IFT43: variants seen among roughly 807,000 people sequenced by gnomAD.
IFT43 encodes the protein intraflagellar transport protein 43 homolog.
In IFT43, 33 loss-of-function variants were observed where a neutral mutation model predicts 32.3. The observed-to-expected ratio is 1.02, with a 90% CI of 0.77 to 1.37. IFT43 has a LOEUF of 1.37. Among genes scored for constraint, IFT43 ranks in the 40% most tolerant of loss-of-function variants. The pLI is 0.00. For missense variants in IFT43, 274 were observed against 265.9 expected (o/e 1.03, Z -0.21); for synonymous variants, 93 against 98.2 (o/e 0.95, Z 0.31).
At chr14:76,019,923 T>C (rs1170046695) in intron 2 of IFT43, among the ~76,000 whole-genome samples, 1 of 152,080 alleles carries the variant, frequency 6.6e-6, no homozygotes, top group African/African-American at 2.4e-5. Flanking sequence ...TTATGATGTT[T>C]ATCTCTTTAT....
chr14:76,036,294 A>G (rs1594834196), intron 3 of IFT43, among the ~76,000 whole-genome samples: 1 of 152,162 alleles, frequency 6.6e-6, no homozygotes. Flanking sequence ...ATCAAGGTCC[A>G]TATATTGTAT....
At chr14:76,080,901 G>T (rs574185417) in intron 5 of IFT43, among the ~76,000 whole-genome samples, 2 of 152,128 alleles carry the variant, frequency 1.3e-5, no homozygotes, top group African/African-American at 2.4e-5. Context: ...GCTAAATGTG[G>T]TTCATTATTT....
intron 3 of IFT43, among the ~76,000 whole-genome samples, chr14:76,057,573 G>A (rs2037043540): frequency 6.6e-6 from 1 of 151,278 alleles, no homozygotes; most frequent in South Asian, 2.1e-4. Flanking sequence ...AAAAATGAAT[G>A]TAGAATTCTA....
chr14:76,083,488 T>G lies in IFT43; in HGVS notation c.538T>G (p.Phe180Val). The G allele has an allele frequency of 1.2e-6, 2 of 1,614,082 alleles. No homozygotes were observed. Among genetic ancestry groups the G allele is most frequent in the Non-Finnish European group, 1.7e-6 (2 of 1,179,978 alleles). The part of the protein sequence containing the change: ...DDVGWDWDHL[F>V]TEVSSEVLTE... ...TGTCGGCTGGGACTGGGACCATCTG[T>G]TCACTGAGGTGTCCTCAGAGGTCCT... Residue 180 changes from phenylalanine to valine, a missense_variant, in exon 9 of 9, where the codon TTC becomes GTC. By Grantham distance (50) the Phe-to-Val change is conservative (BLOSUM62 -1). Transcript: ENST00000314067.
At chr14:76,051,829 T>C (rs1475220557) in intron 3 of IFT43, among the ~76,000 whole-genome samples, 1 of 152,248 alleles carries the variant, frequency 6.6e-6, no homozygotes, top group Non-Finnish European at 1.5e-5. Flanking sequence ...TTTTTCTTCA[T>C]GCCTTTGGCC....
At chr14:76,083,171 G>A (rs991289716) in intron 7 of IFT43, 56 bp from the exon 8 acceptor site, 1 of 1,603,282 alleles carries the variant, frequency 6.2e-7, no homozygotes, top group Non-Finnish European at 8.5e-7. Flanking sequence ...GTGAGAAAGA[G>A]TTGCCTGAAA....
At chr14:76,014,552 A>G (rs2036146854) in intron 2 of IFT43, among the ~76,000 whole-genome samples, 1 of 152,160 alleles carries the variant, frequency 6.6e-6, no homozygotes, top group African/African-American at 2.4e-5. Flanking sequence ...GGAGAGTTAT[A>G]TACCATCCCC....
chr14:76,049,176 A>G (rs1238355026), intron 3 of IFT43, among the ~76,000 whole-genome samples: 1 of 152,224 alleles, frequency 6.6e-6, no homozygotes. Flanking sequence ...GGTTTCTACT[A>G]GTCTCAGTCA....
rs111242983 is a variant in IFT43 at position 75,989,146 on chromosome 14, G to A, written c.147+169G>A. ...GCATTTGTCCTTGTAGCAGGAAATG[G>A]AAGAACTTTTTTTCCTTGATGCCAG... On this transcript the variant is annotated intron_variant, in intron 2 of 8. Coordinates refer to ENST00000314067, the MANE Select transcript of IFT43 (RefSeq NM_001102564.3). Among the ~76,000 whole-genome samples, 185 of 152,306 alleles carry A rather than the reference G, an allele frequency of 1.2e-3. 6 individuals are homozygous for A. In the South Asian group the frequency reaches 0.036, roughly 30 times the overall value.
At chr14:76,043,778 T>A (rs977370163) in intron 3 of IFT43, among the ~76,000 whole-genome samples, 15 of 152,352 alleles carry the variant, frequency 9.8e-5, no homozygotes, top group African/African-American at 3.6e-4. Context: ...TGTTCTACAG[T>A]TTTACTCAAT....
intron 3 of IFT43, among the ~76,000 whole-genome samples, chr14:76,053,007 C>T (rs541103953): frequency 6.6e-6 from 1 of 152,234 alleles, no homozygotes; most frequent in East Asian, 1.9e-4. Flanking sequence ...GAGTCAGACA[C>T]CCTGCTTGCA....
intron 5 of IFT43, among the ~76,000 whole-genome samples, chr14:76,062,794 G>T (rs1400934214): frequency 6.6e-6 from 1 of 151,498 alleles, no homozygotes; most frequent in Non-Finnish European, 1.5e-5. Flanking sequence ...GCGGGCACCT[G>T]TAATCCCAGC....
intron 3 of IFT43, among the ~76,000 whole-genome samples, chr14:76,040,888 G>C: frequency 6.6e-6 from 1 of 152,244 alleles, no homozygotes; most frequent in East Asian, 1.9e-4. Flanking sequence ...TGAACTTGCT[G>C]CCTGTGCATG....
chr14:75,999,955 A>G (rs1280075428), intron 2 of IFT43, among the ~76,000 whole-genome samples: 4 of 152,228 alleles, frequency 2.6e-5, no homozygotes, highest in Non-Finnish European at 5.9e-5. Context: ...TGGCAGCTAC[A>G]CTGGAGGATA....
intron 2 of IFT43, among the ~76,000 whole-genome samples, chr14:75,999,801 G>A (rs760911069): frequency 1.3e-5 from 2 of 152,212 alleles, no homozygotes. Context: ...TTTAGGGCAC[G>A]GTAAAACCAT....
chr14:75,992,373 A>G (rs1279155976), intron 2 of IFT43, among the ~76,000 whole-genome samples: 3 of 152,226 alleles, frequency 2.0e-5, no homozygotes, highest in African/African-American at 7.2e-5. Context: ...GCATTCATTC[A>G]ATAAATTAGT....
At chr14:76,025,654 A>G (rs1272903728) in intron 3 of IFT43, among the ~76,000 whole-genome samples, 1 of 152,150 alleles carries the variant, frequency 6.6e-6, no homozygotes, top group East Asian at 1.9e-4. Flanking sequence ...ATAAGACCAT[A>G]TACCTGCAAC....
chr14:76,036,369 G>A (rs117173600), intron 3 of IFT43, among the ~76,000 whole-genome samples: 2,127 of 135,946 alleles, frequency 0.016, 104 homozygotes, highest in East Asian at 0.094. Flanking sequence ...TTGTTTGTTC[G>A]TTCGTTTGTT....
chr14:76,033,867 G>GAGT (rs896522700), intron 3 of IFT43, among the ~76,000 whole-genome samples: 12 of 152,194 alleles, frequency 7.9e-5, no homozygotes, highest in African/African-American at 2.4e-4. Context: ...ACAAATGAAT[G>GAGT]AGTAACACTG....
Sources: gnomAD v4.1 joint callset for allele counts (sites outside exome capture counted in the v4.1 genomes callset) on GRCh38, gnomAD v4.1.1 for gene constraint, MANE v1.5 for transcripts, NCBI Gene and HGNC (gene_info 2026-07-23, HGNC 2026-07-21) for gene names.